The following TPP2 variants were observed in gnomAD, a reference collection of about 807,000 sequenced individuals.
TPP2 encodes the protein tripeptidyl peptidase 2.
In TPP2, 34 loss-of-function variants were observed where a neutral mutation model predicts 155.9. The observed-to-expected ratio is 0.22, with a 90% CI of 0.17 to 0.29. TPP2 has a LOEUF of 0.29. Ranked by LOEUF, TPP2 falls within the 10% of genes least tolerant of loss-of-function variation. TPP2 has a pLI of 1.00. For synonymous variants in TPP2, 510 were observed against 529.4 expected, an observed-to-expected ratio of 0.96 and a Z score of 0.50; for missense variants, 1,028 against 1,522.3, an observed-to-expected ratio of 0.68 and a Z score of 5.40.
chr13:102,633,706 T>C (rs973199497), intron 10 of TPP2, among the ~76,000 whole-genome samples: 15 of 152,206 alleles, frequency 9.9e-5, no homozygotes, highest in Admixed American at 6.5e-5. Context: ...TGCCCAGATA[T>C]GTATATACAC....
chr13:102,600,369 C>G (rs1264765366), intron 1 of TPP2, among the ~76,000 whole-genome samples: 1 of 152,130 alleles, frequency 6.6e-6, no homozygotes, highest in African/African-American at 2.4e-5. Flanking sequence ...TTTGGAAAAT[C>G]AACTGATTTA....
At chr13:102,615,909 C>T (rs919758849) in intron 3 of TPP2, among the ~76,000 whole-genome samples, 1 of 152,096 alleles carries the variant, frequency 6.6e-6, no homozygotes, top group Non-Finnish European at 1.5e-5. Flanking sequence ...AATTGACTAA[C>T]CAGTTTTTAG....
intron 29 of TPP2, among the ~76,000 whole-genome samples, chr13:102,676,650 G>C (rs1885296248): frequency 6.6e-6 from 1 of 152,156 alleles, no homozygotes. Context: ...AGCCTCAAAT[G>C]TTTTCAACAA....
At chr13:102,663,133 TTTTTTAATTAATTAATTA>T (rs1884346982) in intron 25 of TPP2, among the ~76,000 whole-genome samples, 1 of 40,584 alleles carries the variant, frequency 2.5e-5, no homozygotes, top group African/African-American at 1.4e-4. Context: ...TTTATTTATT[TTTTTTAATTAATTAATTA>T]ATTTATTTAT....
Position 102,614,270 on chromosome 13 carries a change from A to C in TPP2, c.390+74A>C. On this transcript the variant is annotated intron_variant, in intron 3 of 29. Transcript: ENST00000376052. ...CTTCCTCAGATTTTATTCCTACTGA[A>C]GAAAAAGAAATATTTCATAAAATCT... is the stretch of plus-strand genomic sequence containing the variant. The C allele has an allele frequency of 2.3e-6, 3 of 1,277,828 alleles. No homozygotes were observed. In the South Asian group the frequency reaches 4.5e-5, roughly 19 times the overall value. 79.2% of individuals were successfully genotyped at this position (1,277,828 alleles called of 1,614,324 possible).
Position 102,596,988 on chromosome 13 carries a change from T to C in TPP2, c.-51T>C. 3 of 1,594,746 alleles carry C rather than the reference T, an allele frequency of 1.9e-6. No homozygotes were observed. The highest frequency in any genetic ancestry group is 2.2e-4 in the Middle Eastern group (1 of 4,448). On this transcript the variant is annotated 5_prime_UTR_variant, in exon 1 of 30. Coordinates refer to ENST00000376052, the MANE Select transcript of TPP2 (RefSeq NM_001330588.2). ...CGCACGGGTGTCCTCGCGCTGCTAG[T>C]CCGCGCGCAGCCTGGCAGTTTGCCG...
rs1879768668 is a variant in TPP2, at chr13:102,605,659, T to C, written c.294+738T>C. On this transcript the variant is annotated intron_variant, in intron 2 of 29. Coordinates refer to ENST00000376052, the MANE Select transcript of TPP2 (RefSeq NM_001330588.2). ...AGTTAACTTGACCATGAAGAAATAC[T>C]TAGGCTATAGTAGCTGTTAACTTAA... 3.3e-5 allele frequency among the ~76,000 whole-genome samples: 5 copies of C among 152,256 alleles called. No individual in the cohort carries two copies. The South Asian group carries it at 1.0e-3, about 32-fold the overall frequency.
intron 27 of TPP2, among the ~76,000 whole-genome samples, chr13:102,671,466 CA>C (rs1489281762): frequency 6.6e-6 from 1 of 152,160 alleles, no homozygotes; most frequent in Non-Finnish European, 1.5e-5. Flanking sequence ...AGAGCCTCAT[CA>C]GGGGTAGGGG....
intron 27 of TPP2, among the ~76,000 whole-genome samples, chr13:102,671,670 C>T (rs1884992321): frequency 6.6e-6 from 1 of 152,166 alleles, no homozygotes; most frequent in African/African-American, 2.4e-5. Flanking sequence ...CCTTCTAATG[C>T]CGCTTGCCTA....
intron 27 of TPP2, among the ~76,000 whole-genome samples, chr13:102,669,261 T>C (rs549745906): frequency 6.6e-6 from 1 of 152,288 alleles, no homozygotes; most frequent in Admixed American, 6.5e-5. Context: ...TTTTGTTGTT[T>C]TCTGAGCATA....
chr13:102,649,972 C>G (rs1256937347), intron 23 of TPP2, among the ~76,000 whole-genome samples: 2 of 152,086 alleles, frequency 1.3e-5, no homozygotes, highest in Non-Finnish European at 2.9e-5. Context: ...TTCTACAGAC[C>G]TATCTCATTG....
intron 25 of TPP2, among the ~76,000 whole-genome samples, chr13:102,659,470 A>G (rs1216849179): frequency 2.0e-5 from 3 of 152,208 alleles, no homozygotes; most frequent in Admixed American, 1.3e-4. Flanking sequence ...GGAGCAAGAC[A>G]AAAACTCCTC....
chr13:102,608,889 C>T (rs559847009), intron 2 of TPP2, among the ~76,000 whole-genome samples: 1 of 152,264 alleles, frequency 6.6e-6, no homozygotes, highest in African/African-American at 2.4e-5. Flanking sequence ...TTTAGCAAGG[C>T]ACAAGAAAAG....
At chr13:102,597,562 C>G (rs575146611) in intron 1 of TPP2, among the ~76,000 whole-genome samples, 1 of 152,170 alleles carries the variant, frequency 6.6e-6, no homozygotes, top group Non-Finnish European at 1.5e-5. Flanking sequence ...CGCTGCCAGG[C>G]CGGACCCCCC....
chr13:102,602,198 C>T (rs1879481476), intron 1 of TPP2, among the ~76,000 whole-genome samples: 1 of 152,088 alleles, frequency 6.6e-6, no homozygotes, highest in Admixed American at 6.5e-5. Flanking sequence ...CATGACCTAG[C>T]TAGTTTTAAT....
chr13:102,627,628 TTG>T (rs1491317485), intron 7 of TPP2, among the ~76,000 whole-genome samples: 175 of 147,910 alleles, frequency 1.2e-3, no homozygotes, highest in Middle Eastern at 6.9e-3. Context: ...TGCTAGTTTT[TTG>T]TTTTTTTTTT....
intron 24 of TPP2, chr13:102,655,015 C>A (rs556030089): frequency 2.0e-6 from 1 of 507,788 alleles, no homozygotes; most frequent in Admixed American, 2.0e-5. Context: ...CACGTGAGGC[C>A]TTTGTTTACA....
intron 2 of TPP2, among the ~76,000 whole-genome samples, chr13:102,611,766 C>G (rs1880343032): frequency 6.6e-6 from 1 of 152,218 alleles, no homozygotes; most frequent in African/African-American, 2.4e-5. Context: ...CACAGCTTTT[C>G]TCTTCTGTTT....
In TPP2 at chr13:102,623,002, A is replaced by G; in HGVS notation, c.746A>G (p.Tyr249Cys). ...ATGTTGAATTACTCCGTTAATATATACGATGATGGAAACCTGCTCTCCATT... is the reference window on the plus strand; with the variant it reads ...ATGTTGAATTACTCCGTTAATATATGCGATGATGGAAACCTGCTCTCCATT... ...AEMLNYSVNIYDDGNLLSIVT... is the reference protein window; with the variant it reads ...AEMLNYSVNICDDGNLLSIVT... The change falls in exon 6 of 30, where the codon TAC becomes TGC. Residue 249 changes from tyrosine to cysteine, a missense_variant. By Grantham distance (194) the Tyr-to-Cys change is radical. Around this residue, in one of 7 missense-constraint regions of TPP2, gnomAD observed 300 missense variants for 398.3 expected, o/e 0.75. Transcript: ENST00000376052. The G allele has an allele frequency of 6.2e-7, 1 of 1,613,742 alleles. No individual in the cohort carries two copies. The highest frequency in any genetic ancestry group is 8.5e-7 in the Non-Finnish European group (1 of 1,179,924).
Sources: gnomAD v4.1 joint callset for allele counts (sites outside exome capture counted in the v4.1 genomes callset) on GRCh38, gnomAD v4.1.1 for gene constraint, gnomAD v4.1.1 regional missense constraint, MANE v1.5 for transcripts, NCBI Gene and HGNC (gene_info 2026-07-23, HGNC 2026-07-21) for gene names.